ELF1: variants seen among roughly 807,000 people sequenced by gnomAD.
ELF1 encodes the protein ETS-related transcription factor Elf-1.
A neutral mutation model predicts 59.9 loss-of-function variants in ELF1; 24 were observed. The observed-to-expected ratio is 0.40, with a 90% CI of 0.29 to 0.56. The LOEUF (loss-of-function observed/expected upper bound fraction) is 0.56. Among genes scored for constraint, ELF1 ranks in the 20% least tolerant of loss-of-function variants. The pLI, the probability that ELF1 is intolerant of heterozygous loss-of-function variation, is 0.44. For synonymous variants in ELF1, 248 were observed against 266.2 expected (o/e 0.93, Z 0.67); for missense variants, 627 against 742.2 (o/e 0.84, Z 1.80).
At chr13:40,994,625 A>T (rs985239680) in intron 1 of ELF1, among the ~76,000 whole-genome samples, 1 of 152,240 alleles carries the variant, frequency 6.6e-6, no homozygotes, top group East Asian at 1.9e-4. Flanking sequence ...CCTGGGCAAC[A>T]GAGCAAGACT....
At chr13:41,060,924 G>A in exon 1 of ELF1, 2 of 317,582 alleles carry the variant, frequency 6.3e-6, no homozygotes, top group Non-Finnish European at 1.3e-5. Flanking sequence ...TGCCGCCGCC[G>A]CCGCCGCCGC....
At chr13:41,052,066 A>C (rs1279414454) in intron 1 of ELF1, among the ~76,000 whole-genome samples, 1 of 151,514 alleles carries the variant, frequency 6.6e-6, no homozygotes, top group African/African-American at 2.4e-5. Context: ...ACACCCTTCA[A>C]GTAGCTGAGA....
In ELF1 at chr13:40,958,831, C is replaced by CGCA; in HGVS notation, c.253+2_253+4dup. 6.2e-7 allele frequency: 1 copy of CGCA among 1,604,008 alleles called. No individual in the cohort carries two copies. The highest frequency in any genetic ancestry group is 1.3e-5 in the African/African-American group (1 of 74,960). ...CAAGGTCCTACTGGATGGAGACACACGCACCTGTAAGGGTGATGTCATCAT... is the reference window on the plus strand; with the variant it reads ...CAAGGTCCTACTGGATGGAGACACACGCAGCACCTGTAAGGGTGATGTCATCAT... On this transcript the variant is annotated splice_donor_region_variant and intron_variant, in intron 3 of 8. Coordinates refer to ENST00000239882, the MANE Select transcript of ELF1 (RefSeq NM_172373.4).
intron 1 of ELF1, among the ~76,000 whole-genome samples, chr13:40,996,501 G>A (rs964737217): frequency 6.6e-5 from 10 of 152,122 alleles, no homozygotes; most frequent in Admixed American, 3.3e-4. Flanking sequence ...GCCACAAAAA[G>A]ACATGTGGAA....
At chr13:40,935,971 G>A (rs1869743104) in intron 8 of ELF1, among the ~76,000 whole-genome samples, 1 of 152,084 alleles carries the variant, frequency 6.6e-6, no homozygotes, top group South Asian at 2.1e-4. Context: ...AAAGGCCTAA[G>A]GGCTTCCCAT....
chr13:40,998,005 C>T (rs1396534467), intron 1 of ELF1, among the ~76,000 whole-genome samples: 1 of 152,034 alleles, frequency 6.6e-6, no homozygotes, highest in Non-Finnish European at 1.5e-5. Context: ...AAAAAATTCG[C>T]TGGGTGTGGT....
At chr13:40,959,141 T>G (rs1401265483) in intron 2 of ELF1, 125 bp from the exon 3 acceptor site, 1 of 1,303,814 alleles carries the variant, frequency 7.7e-7, no homozygotes, top group African/African-American at 1.5e-5. Flanking sequence ...AGGCTGTATC[T>G]CTATAATCTT....
intron 5 of ELF1, among the ~76,000 whole-genome samples, chr13:40,947,220 G>A (rs950276288): frequency 6.6e-6 from 1 of 151,974 alleles, no homozygotes; most frequent in South Asian, 2.1e-4. Context: ...TGCTGACTGG[G>A]TAAACAAATA....
At chr13:40,962,514 C>G (rs2138206955) in intron 2 of ELF1, among the ~76,000 whole-genome samples, 1 of 151,720 alleles carries the variant, frequency 6.6e-6, no homozygotes, top group South Asian at 2.1e-4. Flanking sequence ...GAAACCTTGT[C>G]TTTACTAAAA....
chr13:40,997,343 C>T (rs890338995), intron 1 of ELF1, among the ~76,000 whole-genome samples: 2 of 151,920 alleles, frequency 1.3e-5, no homozygotes, highest in Admixed American at 1.3e-4. Flanking sequence ...CTGCAACCTC[C>T]ACCTCCTAGG....
chr13:40,979,235 A>C (rs1488662745), intron 2 of ELF1, among the ~76,000 whole-genome samples: 1 of 152,082 alleles, frequency 6.6e-6, no homozygotes, highest in East Asian at 1.9e-4. Flanking sequence ...ACACACACAT[A>C]ATGACAAAAT....
intron 1 of ELF1, among the ~76,000 whole-genome samples, chr13:41,060,371 A>T (rs1424936602): frequency 6.6e-6 from 1 of 152,164 alleles, no homozygotes; most frequent in African/African-American, 2.4e-5. Flanking sequence ...TGTGGGCCGG[A>T]CGGGGGCGCT....
chr13:40,986,934 G>GCTCT (rs200631432), intron 1 of ELF1, among the ~76,000 whole-genome samples: 7 of 11,602 alleles, frequency 6.0e-4, no homozygotes, highest in South Asian at 8.1e-3. Context: ...GAAAATCATT[G>GCTCT]CTCTTTTTTT....
At chr13:41,010,055 A>G (rs1385012228) in intron 1 of ELF1, among the ~76,000 whole-genome samples, 1 of 150,644 alleles carries the variant, frequency 6.6e-6, no homozygotes, top group Non-Finnish European at 1.5e-5. Context: ...CATATTGAAA[A>G]AAAAAAAAAC....
intron 1 of ELF1, among the ~76,000 whole-genome samples, chr13:40,991,423 A>C (rs957066912): frequency 6.6e-6 from 1 of 152,176 alleles, no homozygotes; most frequent in African/African-American, 2.4e-5. Context: ...TACTATTTTA[A>C]ATTTTACTTT....
chr13:40,956,691 T>TA (rs1376584850), intron 3 of ELF1, among the ~76,000 whole-genome samples: 1 of 151,602 alleles, frequency 6.6e-6, no homozygotes. Context: ...TTTTTTTTTT[T>TA]AATTTGTTTT....
Position 40,955,077 on chromosome 13 carries a change from A to C in ELF1, c.254-3641T>G, listed in dbSNP as rs1183395283. ...GCCCTGCCGCCCTGTCTGGGATGTG[A>C]GGAGCGTCTCTGCCCGGCTGCCCCG... On this transcript the variant is annotated intron_variant, in intron 3 of 8. Transcript: ENST00000239882. 4.7e-5 allele frequency among the ~76,000 whole-genome samples: 7 copies of C among 148,604 alleles called. No homozygotes were observed. In the East Asian group the frequency reaches 1.4e-3, roughly 30 times the overall value.
chr13:40,969,228 T>C lies in ELF1; in HGVS notation c.73-10212A>G, dbSNP rs190896368. On this transcript the variant is annotated intron_variant, in intron 2 of 8. Transcript: ENST00000239882. The stretch of plus-strand genomic sequence containing the variant: ...AGTAAAAAATCGCACTAATCCTAGA[T>C]ATAATCAGTATAAAAGACAATTTAC... Among the ~76,000 whole-genome samples the C allele has an allele frequency of 1.4e-4, 22 of 152,300 alleles. No individual in the cohort carries two copies. The East Asian group carries it at 4.2e-3, about 29-fold the overall frequency.
At chr13:41,039,271 A>G in intron 1 of ELF1, among the ~76,000 whole-genome samples, 1 of 151,456 alleles carries the variant, frequency 6.6e-6, no homozygotes, top group Non-Finnish European at 1.5e-5. Flanking sequence ...AATTTTTAAA[A>G]TTACCATAAC....
Sources: gnomAD v4.1 joint callset for allele counts (sites outside exome capture counted in the v4.1 genomes callset) on GRCh38, gnomAD v4.1.1 for gene constraint, MANE v1.5 for transcripts, NCBI Gene and HGNC (gene_info 2026-07-23, HGNC 2026-07-21) for gene names.